The following CPT2 variants were observed in gnomAD, a reference collection of about 807,000 sequenced individuals.
CPT2 encodes the protein carnitine O-palmitoyltransferase 2, mitochondrial.
CPT2 carries 37 observed loss-of-function variants against 48.6 expected under a neutral mutation model. The observed-to-expected ratio is 0.76, with a 90% CI of 0.59 to 1.00. The LOEUF (loss-of-function observed/expected upper bound fraction) is 1.00, where lower values mean the gene tolerates loss of function less well. Among genes scored for constraint, CPT2 ranks in the 50% least tolerant of loss-of-function variants. CPT2 has a pLI of 0.00. For synonymous variants in CPT2, 319 were observed against 326.9 expected, an observed-to-expected ratio of 0.98 and a Z score of 0.26; for missense variants, 772 against 825.6, an observed-to-expected ratio of 0.94 and a Z score of 0.80.
chr1:53,200,948 T>C (rs1356690579), intron 2 of CPT2, 149 bp downstream of exon 2: 8 of 713,302 alleles, frequency 1.1e-5, no homozygotes, highest in African/African-American at 1.7e-5. Context: ...GTTCAGGAAA[T>C]AGATTTTCAT....
rs763788839 is a variant in CPT2, at chr1:53,210,593, A to C, written c.919A>C (p.Met307Leu). ...DIWAELRQKL[M>L]SSGNEESLRK... ...CTGGGCAGAGCTCAGGCAGAAGCTG[A>C]TGAGTAGTGGCAATGAGGAGAGCCT... Residue 307 changes from methionine (M) to leucine (L), a missense_variant, in exon 4 of 5, where the codon ATG becomes CTG. Met to Leu is a conservative substitution (Grantham distance 15). Coordinates refer to ENST00000371486, the MANE Select transcript of CPT2 (RefSeq NM_000098.3). 2.5e-6 allele frequency: 4 copies of C among 1,614,056 alleles called. No homozygotes were observed. The highest frequency in any genetic ancestry group is 3.4e-6 in the Non-Finnish European group (4 of 1,180,008).
chr1:53,202,518 A>G (rs1572380916), intron 3 of CPT2, 89 bp downstream of exon 3: 2 of 1,132,260 alleles, frequency 1.8e-6, no homozygotes, highest in East Asian at 4.8e-5. Context: ...GGTCTCAGAG[A>G]TATTTTTGGT....
Position 53,210,886 on chromosome 1 carries a change from T to A in CPT2, c.1212T>A (p.Ala404=). 6.2e-7 allele frequency: 1 copy of A among 1,614,210 alleles called. No individual in the cohort carries two copies. Among genetic ancestry groups the A allele is most frequent in the South Asian group, 1.1e-5 (1 of 91,084 alleles). ...CCGTCACTCCACAGAGCCAGCCAGC[T>A]ACCACTGACTCTACTGTCACGGTGC... ...TPAVTPQSQP[A]TTDSTVTVQK... is the part of the protein sequence containing the mutation. Residue 404 remains alanine, a synonymous_variant, in exon 4 of 5, where the codon GCT becomes GCA. Coordinates refer to ENST00000371486, the MANE Select transcript of CPT2 (RefSeq NM_000098.3).
At chr1:53,209,879 A>T in intron 3 of CPT2, 136 bp from the exon 4 acceptor site, 1 of 733,098 alleles carries the variant, frequency 1.4e-6, no homozygotes, top group Non-Finnish European at 2.3e-6. Context: ...TGCAGAGCAA[A>T]AACATTCAGG....
At chr1:53,202,670 G>T (rs1645361106) in intron 3 of CPT2, 2 of 543,350 alleles carry the variant, frequency 3.7e-6, no homozygotes, top group South Asian at 1.9e-5. Flanking sequence ...GATTGAGGCA[G>T]AACCTAATCA....
chr1:53,208,886 C>T (rs1019797743), intron 3 of CPT2: 1 of 152,338 alleles, frequency 6.6e-6, no homozygotes. Flanking sequence ...AGACATGTAA[C>T]AAGTGCTGCT....
At position 53,211,026 on chromosome 1, in the gene CPT2, G is replaced by A. The variant is rs1395073685; in HGVS notation, c.1352G>A (p.Gly451Glu). ...ATTGACTGCGTCCAGTTTCAGAGAG[G>A]AGGCAAAGAATTCCTGAAGAAGCAA... The part of the protein sequence containing the change: ...LTIDCVQFQR[G>E]GKEFLKKQKL... Residue 451 changes from glycine (G) to glutamate (E), a missense_variant, in exon 4 of 5, where the codon GGA becomes GAA. Physicochemically the swap from Gly to Glu is moderately conservative, Grantham distance 98. Coordinates refer to ENST00000371486, the MANE Select transcript of CPT2 (RefSeq NM_000098.3). 1.9e-6 allele frequency: 3 copies of A among 1,614,082 alleles called. No individual in the cohort carries two copies. The highest frequency in any genetic ancestry group is 2.5e-6 in the Non-Finnish European group (3 of 1,180,044).
chr1:53,199,060 C>A (rs549534058), intron 1 of CPT2, among the ~76,000 whole-genome samples: 33 of 126,044 alleles, frequency 2.6e-4, no homozygotes, highest in African/African-American at 1.0e-3. Context: ...CATTGAGCCA[C>A]AGTTTTATTT....
chr1:53,197,687 C>T (rs1306675584), intron 1 of CPT2, among the ~76,000 whole-genome samples: 2 of 151,830 alleles, frequency 1.3e-5, no homozygotes, highest in Non-Finnish European at 1.5e-5. Flanking sequence ...TCAACTGACC[C>T]TCCCCCATGT....
At chr1:53,204,723 G>GA (rs1645376888) in intron 3 of CPT2, among the ~76,000 whole-genome samples, 1 of 152,108 alleles carries the variant, frequency 6.6e-6, no homozygotes, top group African/African-American at 2.4e-5. Context: ...GGAGGTGATT[G>GA]GATCATGGGG....
intron 4 of CPT2, among the ~76,000 whole-genome samples, chr1:53,212,200 G>T (rs1435029171): frequency 1.3e-5 from 2 of 152,042 alleles, no homozygotes; most frequent in African/African-American, 4.8e-5. Context: ...GAGTAGTTGG[G>T]ACTACAGGCT....
At chr1:53,212,824 G>A in intron 4 of CPT2, 5 of 439,042 alleles carry the variant, frequency 1.1e-5, no homozygotes, top group Non-Finnish European at 1.6e-5. Context: ...CAAGTTAGTA[G>A]TAAGACTGAG....
chr1:53,209,762 G>GC (rs1645409487), intron 3 of CPT2: 1 of 471,130 alleles, frequency 2.1e-6, no homozygotes, highest in Non-Finnish European at 3.8e-6. Context: ...GGCGACAGGA[G>GC]CGAGCCTCCG....
In CPT2 at chr1:53,210,763, T is replaced by C. The variant is rs771537809; in HGVS notation, c.1089T>C (p.Asp363=). 2.5e-6 allele frequency: 4 copies of C among 1,614,100 alleles called. No individual in the cohort carries two copies. In the East Asian group the frequency reaches 8.9e-5, roughly 36 times the overall value. ...DKSFNLIIAK[D]GSTAVHFEHS... ...CCTTTAACCTCATTATCGCCAAGGA[T>C]GGCTCTACTGCCGTCCACTTTGAGC... The change falls in exon 4 of 5, where the codon GAT becomes GAC. Residue 363 remains aspartate (D), a synonymous_variant. Transcript: ENST00000371486.
chr1:53,209,772 G>A (rs982821431), intron 3 of CPT2: 50 of 500,630 alleles, frequency 1.0e-4, no homozygotes, highest in Admixed American at 1.3e-4. Context: ...GCGAGCCTCC[G>A]TCCCAAAAAA....
Position 53,196,860 on chromosome 1 carries a change from G to A in CPT2, c.-84G>A. The A allele has an allele frequency of 6.7e-7, 1 of 1,497,866 alleles. No homozygotes were observed. Among genetic ancestry groups the A allele is most frequent in the Non-Finnish European group, 8.9e-7 (1 of 1,119,164 alleles). 92.8% of individuals were successfully genotyped at this position (1,497,866 alleles called of 1,614,324 possible). ...TCAGGAGTCCTGACGCAGTGTCTTGGGCGCTAACGGCGGCGGCGGCCTTGT... is the reference window on the plus strand; with the variant it reads ...TCAGGAGTCCTGACGCAGTGTCTTGAGCGCTAACGGCGGCGGCGGCCTTGT... On this transcript the variant is annotated 5_prime_UTR_variant, in exon 1 of 5. Coordinates refer to ENST00000371486, the MANE Select transcript of CPT2 (RefSeq NM_000098.3).
intron 4 of CPT2, 22 bp from the exon 5 acceptor site, chr1:53,213,242 T>A: frequency 6.2e-7 from 1 of 1,613,432 alleles, no homozygotes; most frequent in South Asian, 1.1e-5. Flanking sequence ...GAGACTCTGG[T>A]TTTCCATTTT....
intron 3 of CPT2, chr1:53,203,729 G>C (rs532482475): frequency 6.6e-6 from 1 of 151,532 alleles, no homozygotes; most frequent in Non-Finnish European, 1.5e-5. Flanking sequence ...CTCATGTTGG[G>C]ACTCGTGTTT....
chr1:53,206,375 T>C (rs566379078), intron 3 of CPT2, among the ~76,000 whole-genome samples: 1 of 152,262 alleles, frequency 6.6e-6, no homozygotes, highest in South Asian at 2.1e-4. Context: ...CTAGTGGAAC[T>C]GTGAGAAGAG....
Sources: allele counts gnomAD v4.1 joint callset (sites outside exome capture counted in the v4.1 genomes callset), GRCh38; gene constraint gnomAD v4.1.1; transcripts MANE v1.5; gene names NCBI Gene and HGNC (gene_info 2026-07-23, HGNC 2026-07-21).